The following COL25A1 variants were observed in gnomAD, a reference collection of about 807,000 sequenced individuals.
The protein encoded by COL25A1 is collagen alpha-1(XXV) chain.
In COL25A1, 103 loss-of-function variants were observed where a neutral mutation model predicts 128.4. The observed-to-expected ratio is 0.80, with a 90% CI of 0.68 to 0.94. COL25A1 has a LOEUF of 0.94. COL25A1 is among the 40% of genes least tolerant of loss of function. The pLI is 0.00. For synonymous variants in COL25A1, 279 were observed against 277.2 expected (o/e 1.01, Z -0.06); for missense variants, 745 against 840.0 (o/e 0.89, Z 1.40).
At chr4:108,905,217 G>A (rs1454413258) in intron 13 of COL25A1, among the ~76,000 whole-genome samples, 1 of 152,116 alleles carries the variant, frequency 6.6e-6, no homozygotes, top group Non-Finnish European at 1.5e-5. Flanking sequence ...GGTACCACTA[G>A]CCACAGGCAA....
At chr4:109,127,849 C>T (rs144742899) in intron 3 of COL25A1, among the ~76,000 whole-genome samples, 408 of 152,230 alleles carry the variant, frequency 2.7e-3, no homozygotes, top group African/African-American at 9.3e-3. Flanking sequence ...GCAATGCTCA[C>T]AGTTAATGTA....
At chr4:108,949,938 G>C (rs888131132) in intron 8 of COL25A1, among the ~76,000 whole-genome samples, 47 of 152,080 alleles carry the variant, frequency 3.1e-4, no homozygotes, top group Non-Finnish European at 4.4e-5. Flanking sequence ...GGCAATATTT[G>C]GACATTGGGA....
chr4:109,105,921 G>T (rs1248692256), intron 3 of COL25A1, among the ~76,000 whole-genome samples: 2 of 151,938 alleles, frequency 1.3e-5, no homozygotes, highest in Non-Finnish European at 2.9e-5. Context: ...AAGCTGTAAA[G>T]TTTCTGTCAA....
intron 16 of COL25A1, among the ~76,000 whole-genome samples, chr4:108,892,421 T>C (rs1454153613): frequency 6.6e-6 from 1 of 152,192 alleles, no homozygotes; most frequent in Non-Finnish European, 1.5e-5. Context: ...ATATATGAAG[T>C]GAATGTAGTG....
intron 13 of COL25A1, 117 bp from the exon 14 acceptor site, chr4:108,901,289 C>A: frequency 1.4e-6 from 1 of 732,876 alleles, no homozygotes; most frequent in Non-Finnish European, 2.3e-6. Context: ...GAATAAGTGA[C>A]TATTAGTTTA....
At chr4:108,918,639 G>A (rs143445345) in intron 12 of COL25A1, among the ~76,000 whole-genome samples, 26 of 152,280 alleles carry the variant, frequency 1.7e-4, no homozygotes, top group African/African-American at 5.1e-4. Context: ...CATTTGTTCC[G>A]CAGTTAAATA....
chr4:108,956,565 C>T (rs1049505307), intron 8 of COL25A1, among the ~76,000 whole-genome samples: 2 of 152,090 alleles, frequency 1.3e-5, no homozygotes, highest in Non-Finnish European at 2.9e-5. Flanking sequence ...GCCACGGCAC[C>T]CAGCTAATTT....
chr4:108,889,679 A>G, intron 17 of COL25A1, 22 bp downstream of exon 17: 1 of 1,611,464 alleles, frequency 6.2e-7, no homozygotes, highest in Non-Finnish European at 8.5e-7. Flanking sequence ...TGGAGTACAA[A>G]TACTTGCAAG....
At chr4:108,847,842 CCTAT>C (rs1735294484) in intron 27 of COL25A1, among the ~76,000 whole-genome samples, 1 of 152,102 alleles carries the variant, frequency 6.6e-6, no homozygotes, top group African/African-American at 2.4e-5. Flanking sequence ...ACCTAATTTT[CCTAT>C]CTAATACTTT....
chr4:108,834,497 T>C, intron 31 of COL25A1: 1 of 958,538 alleles, frequency 1.0e-6, no homozygotes, highest in Non-Finnish European at 1.6e-6. Context: ...AACAACATAA[T>C]ACGCAGTTAC....
chr4:108,818,494 A>T (rs1455825373), intron 36 of COL25A1, among the ~76,000 whole-genome samples: 2 of 152,194 alleles, frequency 1.3e-5, no homozygotes, highest in East Asian at 3.8e-4. Flanking sequence ...AAAGCTTCAT[A>T]AATATTTGGG....
intron 3 of COL25A1, among the ~76,000 whole-genome samples, chr4:109,258,833 T>C (rs555836600): frequency 2.0e-5 from 3 of 152,304 alleles, no homozygotes; most frequent in Admixed American, 2.0e-4. Context: ...AAGGATCCTC[T>C]CATTCTCAAA....
chr4:109,027,464 T>G (rs570102333), intron 5 of COL25A1, among the ~76,000 whole-genome samples: 2 of 151,950 alleles, frequency 1.3e-5, no homozygotes, highest in Admixed American at 1.3e-4. Context: ...CAGGTCATGA[T>G]AAGAACTTGG....
At chr4:109,162,734 C>T (rs1772696523) in intron 3 of COL25A1, among the ~76,000 whole-genome samples, 1 of 152,180 alleles carries the variant, frequency 6.6e-6, no homozygotes, top group Non-Finnish European at 1.5e-5. Flanking sequence ...GATTTACCTG[C>T]TATGCTACAG....
chr4:109,019,709 A>T (rs2126062131), intron 5 of COL25A1, among the ~76,000 whole-genome samples: 1 of 152,002 alleles, frequency 6.6e-6, no homozygotes, highest in African/African-American at 2.4e-5. Context: ...ACACGTGGGG[A>T]TTATGGGGAT....
intron 3 of COL25A1, among the ~76,000 whole-genome samples, chr4:109,282,608 C>T (rs927153061): frequency 2.6e-5 from 4 of 152,164 alleles, no homozygotes; most frequent in Non-Finnish European, 5.9e-5. Context: ...ATATCATTTG[C>T]TAATCATTTA....
intron 16 of COL25A1, among the ~76,000 whole-genome samples, chr4:108,892,422 G>C (rs1405164): frequency 6.6e-6 from 1 of 151,990 alleles, no homozygotes; most frequent in African/African-American, 2.4e-5. Flanking sequence ...TATATGAAGT[G>C]AATGTAGTGA....
Position 108,963,282 on chromosome 4 carries a change from T to C in COL25A1, c.492+11085A>G, listed in dbSNP as rs115741498. Among the ~76,000 whole-genome samples the C allele has an allele frequency of 1.7e-3, 260 of 152,358 alleles. 2 individuals carry two copies. The highest frequency in any genetic ancestry group is 6.0e-3 in the African/African-American group (250 of 41,586). On this transcript the variant is annotated intron_variant, in intron 8 of 37. Transcript: ENST00000399132. ...CTTCAAATATTTCCAGTTGCAACTA[T>C]AATTCTATATTAGGGAGTGATACAA...
intron 19 of COL25A1, among the ~76,000 whole-genome samples, chr4:108,871,921 T>C (rs1363102180): frequency 2.0e-5 from 3 of 152,184 alleles, no homozygotes; most frequent in African/African-American, 4.8e-5. Context: ...GGCATGGATA[T>C]GTTGACTCAT....
Sources: allele counts gnomAD v4.1 joint callset (sites outside exome capture counted in the v4.1 genomes callset), GRCh38; gene constraint gnomAD v4.1.1; transcripts MANE v1.5; gene names NCBI Gene and HGNC (gene_info 2026-07-23, HGNC 2026-07-21).